CCDC157: variants seen among roughly 807,000 people sequenced by gnomAD.
The protein encoded by CCDC157 is coiled-coil domain-containing protein 157.
In CCDC157, 60 loss-of-function variants were observed where a neutral mutation model predicts 70.9. The observed-to-expected ratio is 0.85, with a 90% CI of 0.69 to 1.05. The LOEUF is 1.05. Ranked by LOEUF, CCDC157 falls within the 50% of genes least tolerant of loss-of-function variation. CCDC157 has a pLI of 0.00. For missense variants in CCDC157, 943 were observed against 984.2 expected (o/e 0.96, Z 0.56); for synonymous variants, 373 against 422.4 (o/e 0.88, Z 1.43).
intron 5 of CCDC157, 23 bp downstream of exon 5, chr22:30,370,973 G>A (rs765520285): frequency 2.2e-5 from 35 of 1,591,420 alleles, no homozygotes; most frequent in Non-Finnish European, 2.7e-5. Flanking sequence ...GAGGCCAGAC[G>A]CCTGGTGCCC....
rs371484699 is a variant in CCDC157 at position 30,367,747 on chromosome 22, C to T, written c.248+1499C>T. Among the ~76,000 whole-genome samples the T allele has an allele frequency of 2.6e-5, 4 of 152,052 alleles. No individual in the cohort carries two copies. In the East Asian group the frequency reaches 5.9e-4, roughly 22 times the overall value. On this transcript the variant is annotated intron_variant, in intron 3 of 11. Coordinates refer to ENST00000338306, the MANE Select transcript of CCDC157 (RefSeq NM_001017437.5). ...GGGACTGTATCCCAGGGTTCTAGCG[C>T]TCAAATGCCTTAAAAATGGTCAGGT... is the stretch of plus-strand genomic sequence containing the variant.
chr22:30,356,809 G>T (rs1484888513), upstream of CCDC157: 6 of 1,353,608 alleles, frequency 4.4e-6, no homozygotes, highest in Middle Eastern at 2.1e-4. Context: ...GACGCTCAGG[G>T]CTGCCAGTCC....
Position 30,362,196 on chromosome 22 carries a change from G to A in CCDC157, c.-12+82G>A, listed in dbSNP as rs148555298. 4.3e-3 allele frequency: 656 copies of A among 152,494 alleles called. 1 individual carries two copies. The highest frequency in any genetic ancestry group is 7.9e-3 in the Non-Finnish European group (538 of 68,154). 9.4% of individuals were successfully genotyped at this position (152,494 alleles called of 1,614,324 possible). ...CCTCTGAGCTTCCCAGCACCTGTGG[G>A]CACAGGCTGGCCCTTAGTCCTCTCA... On this transcript the variant is annotated intron_variant, in intron 2 of 11. Transcript: ENST00000338306.
chr22:30,360,219 A>G (rs1183654952), intron 1 of CCDC157, among the ~76,000 whole-genome samples: 1 of 152,238 alleles, frequency 6.6e-6, no homozygotes, highest in African/African-American at 2.4e-5. Context: ...ATAAAAGTTT[A>G]CCTGCCGGGC....
intron 9 of CCDC157, 89 bp from the exon 10 acceptor site, chr22:30,375,390 C>A: frequency 1.6e-6 from 2 of 1,241,600 alleles, no homozygotes; most frequent in South Asian, 1.3e-5. Flanking sequence ...GCTAGGAGGC[C>A]TGGTGCACTA....
chr22:30,369,361 C>T (rs1343307700), intron 3 of CCDC157, 71 bp from the exon 4 acceptor site: 1 of 1,309,904 alleles, frequency 7.6e-7, no homozygotes, highest in Non-Finnish European at 1.0e-6. Flanking sequence ...AGAGCCAGAG[C>T]TGCGGTTGTA....
Position 30,373,583 on chromosome 22 carries a change from C to T in CCDC157, c.1336-14C>T, listed in dbSNP as rs143281440. On this transcript the variant is annotated splice_polypyrimidine_tract_variant and intron_variant, in intron 7 of 11. Coordinates refer to ENST00000338306, the MANE Select transcript of CCDC157 (RefSeq NM_001017437.5). ...TGGGTCTCACAGCCTCCCTGCTTGT[C>T]CGTTCCTGCTTAGTCTCTGCAGGCC... 2.2e-4 allele frequency: 345 copies of T among 1,552,230 alleles called. No individual in the cohort carries two copies. The East Asian group carries it at 6.0e-3, about 27-fold the overall frequency.
chr22:30,374,240 C>T (rs959197880), intron 9 of CCDC157, 149 bp downstream of exon 9: 1 of 893,686 alleles, frequency 1.1e-6, no homozygotes, highest in Non-Finnish European at 1.7e-6. Context: ...CCCTGTGGAC[C>T]CACCACAGCA....
At chr22:30,371,132 T>C (rs1932921218) in intron 5 of CCDC157, 182 bp downstream of exon 5, 1 of 740,976 alleles carries the variant, frequency 1.3e-6, no homozygotes. Flanking sequence ...GTGGTGACAC[T>C]GTGATCTCAG....
chr22:30,361,125 G>A (rs1206707714), intron 1 of CCDC157, among the ~76,000 whole-genome samples: 3 of 151,838 alleles, frequency 2.0e-5, no homozygotes, highest in African/African-American at 7.3e-5. Context: ...GTGTGCACCT[G>A]TAGTCCCAGC....
chr22:30,376,037 A>C, intron 10 of CCDC157: 3 of 547,892 alleles, frequency 5.5e-6, no homozygotes, highest in Non-Finnish European at 9.6e-6. Context: ...AAAAAAAAAG[A>C]AGCCATGTCA....
At position 30,370,237 on chromosome 22, in the gene CCDC157, C is replaced by T. The variant is rs1398926414; in HGVS notation, c.421-89C>T. 7.0e-6 allele frequency: 10 copies of T among 1,434,458 alleles called. No homozygotes were observed. In the Admixed American group the frequency reaches 1.8e-4, roughly 27 times the overall value. 88.9% of individuals were successfully genotyped at this position (1,434,458 alleles called of 1,614,324 possible). On this transcript the variant is annotated intron_variant, in intron 4 of 11. Coordinates refer to ENST00000338306, the MANE Select transcript of CCDC157 (RefSeq NM_001017437.5). ...GTCTGAGTGTCAGGCAAGGCTGTCA[C>T]ACTGTCACAGAACATCCCCCAGGGA... is the stretch of plus-strand genomic sequence containing the variant.
chr22:30,371,268 T>A (rs1392895992), intron 5 of CCDC157: 1 of 489,964 alleles, frequency 2.0e-6, no homozygotes, highest in African/African-American at 1.9e-5. Context: ...AGAGAGTTAT[T>A]CCCCTGGCAC....
At chr22:30,363,587 G>A (rs1348202669) in intron 2 of CCDC157, among the ~76,000 whole-genome samples, 3 of 151,850 alleles carry the variant, frequency 2.0e-5, no homozygotes, top group Non-Finnish European at 4.4e-5. Flanking sequence ...AAACGTAATG[G>A]CAGTCCTAGT....
At chr22:30,372,365 G>A in intron 7 of CCDC157, 79 bp downstream of exon 7, 1 of 1,438,310 alleles carries the variant, frequency 7.0e-7, no homozygotes, top group Non-Finnish European at 9.1e-7. Flanking sequence ...CAGGGAATGG[G>A]GGATCATCTA....
chr22:30,360,978 T>TG (rs1183945396), intron 1 of CCDC157, among the ~76,000 whole-genome samples: 1 of 151,728 alleles, frequency 6.6e-6, no homozygotes, highest in African/African-American at 2.4e-5. Context: ...ACCCAGGAAG[T>TG]GGAGGTTGTA....
chr22:30,363,594 T>TAGTGTTCA (rs1018366513), intron 2 of CCDC157, among the ~76,000 whole-genome samples: 1 of 151,904 alleles, frequency 6.6e-6, no homozygotes, highest in Non-Finnish European at 1.5e-5. Flanking sequence ...ATGGCAGTCC[T>TAGTGTTCA]AGTGTTCAAT....
At chr22:30,374,430 G>T (rs1279675564) in intron 9 of CCDC157, 3 of 500,152 alleles carry the variant, frequency 6.0e-6, no homozygotes. Context: ...CCCCCTTCTT[G>T]GTTCTTGGAA....
At chr22:30,373,865 G>C in intron 8 of CCDC157, 58 bp from the exon 9 acceptor site, 2 of 1,555,890 alleles carry the variant, frequency 1.3e-6, no homozygotes, top group Non-Finnish European at 8.7e-7. Context: ...GGTGCCCCAG[G>C]GCGCTGAGTA....
Sources: allele counts gnomAD v4.1 joint callset (sites outside exome capture counted in the v4.1 genomes callset), GRCh38; gene constraint gnomAD v4.1.1; transcripts MANE v1.5; gene names NCBI Gene and HGNC (gene_info 2026-07-23, HGNC 2026-07-21).